The following RBM33 variants were observed in gnomAD, a reference collection of about 807,000 sequenced individuals.
RBM33 encodes RNA binding motif protein 33, also known as RNA-binding protein 33.
In RBM33, 28 loss-of-function variants were observed where a neutral mutation model predicts 132.6. The ratio of observed to expected loss-of-function variants is 0.21; its 90% CI spans 0.16 to 0.29. The LOEUF is 0.29. Among genes scored for constraint, RBM33 ranks in the 10% least tolerant of loss-of-function variants. RBM33 has a pLI of 1.00. For missense variants in RBM33, 1,291 were observed against 1,518.5 expected, an observed-to-expected ratio of 0.85 and a Z score of 2.49; for synonymous variants, 634 against 593.0, an observed-to-expected ratio of 1.07 and a Z score of -1.01.
intron 6 of RBM33, among the ~76,000 whole-genome samples, chr7:155,701,869 G>A (rs1230815176): frequency 1.3e-5 from 2 of 152,124 alleles, no homozygotes. Flanking sequence ...TGTGTTTTTA[G>A]TAGAGACGGG....
chr7:155,660,663 T>C lies in RBM33; in HGVS notation c.44-4512T>C, dbSNP rs1798615445. ...CATTTTTGTCTTGGTGCTTTCAAGG[T>C]TTTTTCTGTGTCTTTGGCTTCGAAA... On this transcript the variant is annotated intron_variant, in intron 1 of 17. Transcript: ENST00000401878. Among the ~76,000 whole-genome samples, 3 of 152,198 alleles carry C rather than the reference T, an allele frequency of 2.0e-5. No individual in the cohort carries two copies. The South Asian group carries it at 6.2e-4, about 32-fold the overall frequency.
chr7:155,754,112 G>A (rs1801771834), intron 14 of RBM33, among the ~76,000 whole-genome samples: 1 of 152,106 alleles, frequency 6.6e-6, no homozygotes, highest in African/African-American at 2.4e-5. Context: ...GGTCATTAGA[G>A]GACATAAATC....
chr7:155,713,787 C>T (rs1800377649), intron 8 of RBM33, among the ~76,000 whole-genome samples: 1 of 152,166 alleles, frequency 6.6e-6, no homozygotes, highest in Non-Finnish European at 1.5e-5. Flanking sequence ...TTATTCATTG[C>T]ACTTACAGAA....
At chr7:155,695,204 CAAAA>C (rs1170497906) in intron 5 of RBM33, among the ~76,000 whole-genome samples, 1 of 151,176 alleles carries the variant, frequency 6.6e-6, no homozygotes, top group Non-Finnish European at 1.5e-5. Flanking sequence ...GTCTCTCACT[CAAAA>C]AAAAGTGGGT....
At chr7:155,694,418 T>TA (rs1391267450) in intron 5 of RBM33, among the ~76,000 whole-genome samples, 1 of 152,214 alleles carries the variant, frequency 6.6e-6, no homozygotes, top group Non-Finnish European at 1.5e-5. Context: ...AGAGAAGCTT[T>TA]AAAAACATAT....
At chr7:155,755,960 A>G (rs1437317454) in intron 14 of RBM33, among the ~76,000 whole-genome samples, 1 of 152,190 alleles carries the variant, frequency 6.6e-6, no homozygotes, top group Admixed American at 6.5e-5. Context: ...CATTTGTGGG[A>G]AAAAAATGTT....
chr7:155,688,789 G>A (rs556546056), intron 5 of RBM33, among the ~76,000 whole-genome samples: 13 of 152,232 alleles, frequency 8.5e-5, no homozygotes, highest in East Asian at 3.9e-4. Context: ...ATTAATTTGC[G>A]TATGTTGAAT....
intron 3 of RBM33, among the ~76,000 whole-genome samples, chr7:155,673,940 G>GTTGTTGTTTGTTTTTTTTTTT: frequency 0.029 from 1,554 of 54,196 alleles, 495 homozygotes; most frequent in East Asian, 0.041. Context: ...TTTAGGCTTA[G>GTTGTTGTTTGTTTTTTTTTTT]TTTTTTTTTT....
rs1001215066 is a variant in RBM33 at position 155,775,581 on chromosome 7, TG to T, written c.*542del. The T allele has an allele frequency of 1.2e-5, 2 of 162,930 alleles. No homozygotes were observed. The highest frequency in any genetic ancestry group is 4.8e-5 in the African/African-American group (2 of 41,776). 10.1% of individuals were successfully genotyped at this position (162,930 alleles called of 1,614,324 possible). A position where few individuals can be genotyped will look rare whatever the true frequency, so the allele number is the denominator to read the frequency against. ...ATTGTTGATTGACCTTTGCATACCC[TG>T]GAAAGCCAGGGTGTGAGTGGGGTGG... is the stretch of plus-strand genomic sequence containing the variant. On this transcript the variant is annotated 3_prime_UTR_variant, in exon 18 of 18. Transcript: ENST00000401878.
At chr7:155,723,071 A>T (rs188186139) in intron 9 of RBM33, among the ~76,000 whole-genome samples, 3 of 152,244 alleles carry the variant, frequency 2.0e-5, no homozygotes, top group Non-Finnish European at 4.4e-5. Context: ...CTGTAGTTAC[A>T]GAACATCACA....
chr7:155,672,914 A>G lies in RBM33; in HGVS notation c.170A>G (p.Lys57Arg). ...LLGEDLLSGK[K>R]NQSDLSDEEL... Reference sequence around the variant, plus strand: ...GGAGAAGATTTGCTATCTGGCAAAAAGGTAAGAAGTTTATGTCCTTCTGAG... The same window carrying G: ...GGAGAAGATTTGCTATCTGGCAAAAGGGTAAGAAGTTTATGTCCTTCTGAG... Residue 57 changes from lysine (K) to arginine (R), a missense_variant and splice_region_variant, in exon 3 of 18, where the codon AAG (lysine) becomes AGG (arginine). By Grantham distance (26) the Lys-to-Arg change is conservative. Coordinates refer to ENST00000401878, the MANE Select transcript of RBM33 (RefSeq NM_053043.3). 1 of 1,544,772 alleles carries G rather than the reference A, an allele frequency of 6.5e-7. No homozygotes were observed. The highest frequency in any genetic ancestry group is 8.8e-7 in the Non-Finnish European group (1 of 1,141,288).
At chr7:155,671,283 T>C (rs1428249892) in intron 2 of RBM33, among the ~76,000 whole-genome samples, 3 of 152,252 alleles carry the variant, frequency 2.0e-5, no homozygotes, top group Non-Finnish European at 4.4e-5. Flanking sequence ...TATTCTCTTA[T>C]AACTATCCTA....
chr7:155,654,307 G>A (rs928898625), intron 1 of RBM33, among the ~76,000 whole-genome samples: 5 of 151,854 alleles, frequency 3.3e-5, no homozygotes, highest in East Asian at 3.8e-4. Flanking sequence ...TTTCTTCACC[G>A]TGATGCTAAC....
chr7:155,673,940 G>GTTGTTGTTTGTTTGTTTTTTTTTTT, intron 3 of RBM33, among the ~76,000 whole-genome samples: 7 of 54,214 alleles, frequency 1.3e-4, no homozygotes, highest in South Asian at 7.1e-4. Flanking sequence ...TTTAGGCTTA[G>GTTGTTGTTTGTTTGTTTTTTTTTTT]TTTTTTTTTT....
At chr7:155,668,297 G>A (rs1393339923) in intron 2 of RBM33, among the ~76,000 whole-genome samples, 1 of 152,194 alleles carries the variant, frequency 6.6e-6, no homozygotes, top group Non-Finnish European at 1.5e-5. Context: ...TGTCTTTCAA[G>A]TGTTGTTTCA....
At chr7:155,656,798 T>C (rs537038924) in intron 1 of RBM33, among the ~76,000 whole-genome samples, 1 of 152,358 alleles carries the variant, frequency 6.6e-6, no homozygotes, top group East Asian at 1.9e-4. Context: ...TTTAAAATTA[T>C]AGTCAGCCCA....
At chr7:155,718,239 A>G (rs759691440) in intron 8 of RBM33, 146 bp from the exon 9 acceptor site, 75 of 540,094 alleles carry the variant, frequency 1.4e-4, no homozygotes, top group Non-Finnish European at 2.3e-4. Context: ...TGTTAAAAAT[A>G]CTAAATGCTT....
intron 14 of RBM33, among the ~76,000 whole-genome samples, chr7:155,761,826 T>C (rs181097389): frequency 6.6e-6 from 1 of 152,200 alleles, no homozygotes; most frequent in East Asian, 1.9e-4. Flanking sequence ...TTTGATTTCC[T>C]TTTTTGAGGA....
rs1585520540 is a variant in RBM33 at position 155,745,305 on chromosome 7, A to G, written c.2682A>G (p.Val894=). The part of the protein sequence containing the change: ...SNVQPKTSNF[V]PSSANMQYQG... ...TTCAGCCCAAAACATCCAATTTTGT[A>G]CCATCCAGTGCCAACATGCAGTATC... The change falls in exon 14 of 18, where the codon GTA becomes GTG. Residue 894 remains valine (V), a synonymous_variant. Coordinates refer to ENST00000401878, the MANE Select transcript of RBM33 (RefSeq NM_053043.3). This position sits in a 1 kb window ranked among gnomAD's most constrained non-coding sequence, Gnocchi z 4.1. The G allele has an allele frequency of 6.2e-7, 1 of 1,612,968 alleles. No individual in the cohort carries two copies. The highest frequency in any genetic ancestry group is 1.3e-5 in the African/African-American group (1 of 75,060).
Sources: allele counts gnomAD v4.1 joint callset (sites outside exome capture counted in the v4.1 genomes callset), GRCh38; gene constraint gnomAD v4.1.1; non-coding constraint Gnocchi (gnomAD v3.1); transcripts MANE v1.5; gene names NCBI Gene and HGNC (gene_info 2026-07-23, HGNC 2026-07-21).